ADD3: variants seen among roughly 807,000 people sequenced by gnomAD.
The protein encoded by ADD3 is gamma-adducin.
In ADD3, 25 loss-of-function variants were observed where a neutral mutation model predicts 80.2. That is an observed-to-expected ratio of 0.31 (90% confidence interval 0.23 to 0.44). ADD3 has a LOEUF of 0.44. Among genes scored for constraint, ADD3 ranks in the 20% least tolerant of loss-of-function variants. The probability of loss-of-function intolerance (pLI) is 1.00; values close to 1 mark genes in which losing one functional copy is unlikely to be tolerated. For synonymous variants in ADD3, 284 were observed against 289.6 expected (o/e 0.98, Z 0.20); for missense variants, 829 against 847.5 (o/e 0.98, Z 0.27).
intron 1 of ADD3, among the ~76,000 whole-genome samples, chr10:110,015,343 T>A (rs887985639): frequency 6.6e-6 from 1 of 152,002 alleles, no homozygotes; most frequent in African/African-American, 2.4e-5. Flanking sequence ...TTTGAAAAAC[T>A]AGAGCTGCAC....
chr10:110,086,703 G>T (rs1451032136), intron 1 of ADD3, among the ~76,000 whole-genome samples: 1 of 152,148 alleles, frequency 6.6e-6, no homozygotes, highest in African/African-American at 2.4e-5. Flanking sequence ...TGCCATGATT[G>T]TAGGTTTCCT....
chr10:110,126,039 G>GT (rs1392276544), intron 11 of ADD3, 94 bp downstream of exon 11: 25 of 1,281,178 alleles, frequency 2.0e-5, no homozygotes, highest in Non-Finnish European at 2.0e-5. Flanking sequence ...AAACTTAGAA[G>GT]TTTGAATACA....
intron 1 of ADD3, among the ~76,000 whole-genome samples, chr10:110,013,000 T>C (rs1169178623): frequency 6.6e-6 from 1 of 152,184 alleles, no homozygotes; most frequent in Non-Finnish European, 1.5e-5. Context: ...TTTCTTTCAA[T>C]GAAAATGGGC....
At chr10:110,130,339 C>T (rs191184780) in intron 12 of ADD3, 24 bp from the exon 13 acceptor site, 21 of 1,609,378 alleles carry the variant, frequency 1.3e-5, no homozygotes, top group Middle Eastern at 1.7e-4. Context: ...GGTAATGAAT[C>T]GATTTTTATT....
At chr10:110,095,528 A>G (rs1419532914) in intron 1 of ADD3, among the ~76,000 whole-genome samples, 1 of 152,200 alleles carries the variant, frequency 6.6e-6, no homozygotes, top group Non-Finnish European at 1.5e-5. Context: ...TCCATGCTGA[A>G]GCACATATCA....
Position 110,056,453 on chromosome 10 carries a change from G to C in ADD3, c.-29-44172G>C, listed in dbSNP as rs533380719. Among the ~76,000 whole-genome samples the C allele has an allele frequency of 3.3e-5, 5 of 152,106 alleles. No homozygotes were observed. In the South Asian group the frequency reaches 8.3e-4, roughly 25 times the overall value. The stretch of plus-strand genomic sequence containing the variant: ...TTAGTATCAACCCCATTTTATATTG[G>C]GAATTAAAACTGTTTTGAAGATGAC... On this transcript the variant is annotated intron_variant, in intron 1 of 14. Coordinates refer to ENST00000356080, the MANE Select transcript of ADD3 (RefSeq NM_016824.5).
chr10:110,109,679 G>C lies in ADD3; in HGVS notation c.196-3098G>C, dbSNP rs561266573. Among the ~76,000 whole-genome samples, 5 of 152,312 alleles carry C rather than the reference G, an allele frequency of 3.3e-5. No individual in the cohort carries two copies. The South Asian group carries it at 1.0e-3, about 32-fold the overall frequency. ...ATAGTTTGGTTTTGAAGGGAAGATA[G>C]AGTTCCAAAAGAGCAGATTGGCCCA... On this transcript the variant is annotated intron_variant, in intron 2 of 14. Transcript: ENST00000356080.
chr10:110,004,685 G>A (rs562529204), upstream of ADD3, among the ~76,000 whole-genome samples: 11 of 152,086 alleles, frequency 7.2e-5, no homozygotes, highest in Middle Eastern at 3.4e-3. Flanking sequence ...TTATTTACTT[G>A]TTCAAGATCA....
intron 1 of ADD3, among the ~76,000 whole-genome samples, chr10:110,021,233 CTTTATT>C (rs1300074783): frequency 6.6e-6 from 1 of 152,190 alleles, no homozygotes; most frequent in African/African-American, 2.4e-5. Context: ...GATTGAACAA[CTTTATT>C]TTAATCAAAA....
chr10:110,018,671 C>T (rs532534673), intron 1 of ADD3, among the ~76,000 whole-genome samples: 6 of 152,060 alleles, frequency 3.9e-5, no homozygotes, highest in East Asian at 3.9e-4. Context: ...AATTACTGTC[C>T]GTGAAAATGA....
At chr10:110,004,066 G>A (rs1184963757), upstream of ADD3, among the ~76,000 whole-genome samples, 1 of 151,972 alleles carries the variant, frequency 6.6e-6, no homozygotes, top group East Asian at 1.9e-4. Flanking sequence ...TGCGGGGAGG[G>A]GATGTGGGGG....
rs148475434 is a variant in ADD3 at position 110,070,951 on chromosome 10, T to G, written c.-29-29674T>G. 9.1e-3 allele frequency among the ~76,000 whole-genome samples: 1,219 copies of G among 133,806 alleles called. 11 individuals carry two copies. Among genetic ancestry groups the G allele is most frequent in the African/African-American group, 0.028 (1,006 of 36,478 alleles). The allele number at this position is 133,806 out of a possible 152,430, so 87.8% of individuals were successfully genotyped here. A position where few individuals can be genotyped will look rare whatever the true frequency, so the allele number is the denominator to read the frequency against. ...ACAAACACATCATGTGGGTTTTTTT[T>G]TTTGTTTGTTTTTAGTTTTTTGTTG... On this transcript the variant is annotated intron_variant, in intron 1 of 14. Coordinates refer to ENST00000356080, the MANE Select transcript of ADD3 (RefSeq NM_016824.5).
intron 1 of ADD3, among the ~76,000 whole-genome samples, chr10:110,085,285 A>G (rs1846585659): frequency 1.3e-5 from 2 of 152,220 alleles, no homozygotes; most frequent in South Asian, 4.1e-4. Context: ...GGGCATATAT[A>G]ATCTGGAGAC....
intron 1 of ADD3, among the ~76,000 whole-genome samples, chr10:110,088,009 G>A (rs966722060): frequency 3.3e-5 from 5 of 152,140 alleles, no homozygotes; most frequent in African/African-American, 9.6e-5. Flanking sequence ...GTGCTGCATC[G>A]GTTCAATCTC....
Position 110,119,285 on chromosome 10 carries a change from C to T in ADD3, c.792C>T (p.Asp264=). 6.2e-7 allele frequency: 1 copy of T among 1,614,136 alleles called. No individual in the cohort carries two copies. Among genetic ancestry groups the T allele is most frequent in the Non-Finnish European group, 8.5e-7 (1 of 1,179,998 alleles). The change falls in exon 7 of 15, where the codon GAC becomes GAT. Residue 264 remains aspartate, a synonymous_variant. Transcript: ENST00000356080. ...SLLLGDVAYY[D]YQGSLEEQEE... is the part of the protein sequence containing the mutation. ...TTCTGGGAGATGTTGCCTATTATGA[C>T]TACCAAGGGTCACTTGAAGAACAGG...
At chr10:110,122,777 G>A (rs1335125599) in intron 9 of ADD3, among the ~76,000 whole-genome samples, 4 of 151,308 alleles carry the variant, frequency 2.6e-5, no homozygotes, top group East Asian at 3.9e-4. Context: ...GTGTGCCACC[G>A]TGCCTGGCTA....
At chr10:110,040,929 G>GCTCTCT (rs35429760) in intron 1 of ADD3, among the ~76,000 whole-genome samples, 1 of 133,936 alleles carries the variant, frequency 7.5e-6, no homozygotes, top group Admixed American at 7.8e-5. Context: ...TCTCTCTCTC[G>GCTCTCT]CTCTCTCTCT....
Position 110,118,584 on chromosome 10 carries a change from C to A in ADD3, c.568-3C>A. On this transcript the variant is annotated splice_polypyrimidine_tract_variant and splice_region_variant and intron_variant, in intron 5 of 14. Coordinates refer to ENST00000356080, the MANE Select transcript of ADD3 (RefSeq NM_016824.5). Reference sequence around the variant, plus strand: ...TTAAATATGTCCTTCTGATTTTTTCCAGGTGAAAGTCAATATAATAGGAGA... The same window carrying A: ...TTAAATATGTCCTTCTGATTTTTTCAAGGTGAAAGTCAATATAATAGGAGA... 1 of 1,612,948 alleles carries A rather than the reference C, an allele frequency of 6.2e-7. No homozygotes were observed. The highest frequency in any genetic ancestry group is 8.5e-7 in the Non-Finnish European group (1 of 1,179,172).
intron 1 of ADD3, among the ~76,000 whole-genome samples, chr10:110,053,164 A>G (rs904157208): frequency 3.3e-5 from 5 of 152,262 alleles, no homozygotes; most frequent in Middle Eastern, 3.4e-3. Flanking sequence ...GGAAAAATCA[A>G]CTGAACAATT....
Sources: gnomAD v4.1 joint callset for allele counts (sites outside exome capture counted in the v4.1 genomes callset) on GRCh38, gnomAD v4.1.1 for gene constraint, MANE v1.5 for transcripts, NCBI Gene and HGNC (gene_info 2026-07-23, HGNC 2026-07-21) for gene names.